Variants in CYP51A1 observed in about 807,000 individuals in gnomAD.
The protein encoded by CYP51A1 is lanosterol 14-alpha demethylase.
In CYP51A1, 45 loss-of-function variants were observed where a neutral mutation model predicts 53.5. The ratio of observed to expected loss-of-function variants is 0.84; its 90% CI spans 0.66 to 1.08. The LOEUF (loss-of-function observed/expected upper bound fraction) is 1.08. CYP51A1 is among the 50% of genes least tolerant of loss of function. CYP51A1 has a pLI of 0.00. For synonymous variants in CYP51A1, 181 were observed against 217.7 expected (o/e 0.83, Z 1.48); for missense variants, 462 against 621.7 (o/e 0.74, Z 2.73).
chr7:92,116,524 T>G (rs1244628192), intron 9 of CYP51A1, among the ~76,000 whole-genome samples: 5 of 152,206 alleles, frequency 3.3e-5, no homozygotes, highest in Non-Finnish European at 7.3e-5. Context: ...AGCTAAATTA[T>G]TTTAGGATCT....
upstream of CYP51A1, chr7:92,134,720 G>A (rs1393479653): frequency 2.9e-5 from 7 of 240,082 alleles, no homozygotes; most frequent in Admixed American, 1.6e-4. Context: ...TTGTGTGCCC[G>A]GGTGCGGGGT....
At chr7:92,125,521 G>A (rs1819781366) in intron 5 of CYP51A1, among the ~76,000 whole-genome samples, 1 of 152,180 alleles carries the variant, frequency 6.6e-6, no homozygotes, top group African/African-American at 2.4e-5. Context: ...TTATATCAGA[G>A]GCAGTCCCTG....
rs546916256 is a variant in CYP51A1, at chr7:92,131,935, G to A, written c.193-63C>T. On this transcript the variant is annotated intron_variant, in intron 1 of 9. Coordinates refer to ENST00000003100, the MANE Select transcript of CYP51A1 (RefSeq NM_000786.4). ...CATTTCAAGAGAGAAACCCAGTTTCGTTTCATGACCAAACAATTAAACAAA... is the reference window on the plus strand; with the variant it reads ...CATTTCAAGAGAGAAACCCAGTTTCATTTCATGACCAAACAATTAAACAAA... The A allele has an allele frequency of 6.6e-5, 66 of 1,000,306 alleles. 1 individual carries two copies. Among genetic ancestry groups the A allele is most frequent in the East Asian group, 1.2e-4 (5 of 41,228 alleles). 62.0% of individuals were successfully genotyped at this position (1,000,306 alleles called of 1,614,324 possible). A position where few individuals can be genotyped will look rare whatever the true frequency, so the allele number is the denominator to read the frequency against.
At position 92,128,873 on chromosome 7, in the gene CYP51A1, C is replaced by A. The variant is rs1030219272; in HGVS notation, c.468+7G>T. The A allele has an allele frequency of 6.2e-7, 1 of 1,607,656 alleles. No homozygotes were observed. Among genetic ancestry groups the A allele is most frequent in the African/African-American group, 1.3e-5 (1 of 74,768 alleles). ...TTGTCTTTATTTATGGTAACAGTGT[C>A]ACCTACTGGATTAGGCACATCGTAT... On this transcript the variant is annotated splice_region_variant and intron_variant, in intron 3 of 9. Transcript: ENST00000003100.
chr7:92,127,444 T>C lies in CYP51A1; in HGVS notation c.595+61A>G, dbSNP rs1235743769. ...TTTTATATACTACACACATATATAC[T>C]CTACTTTTCTATTCACAGAGAAGTA... On this transcript the variant is annotated intron_variant, in intron 4 of 9. Coordinates refer to ENST00000003100, the MANE Select transcript of CYP51A1 (RefSeq NM_000786.4). 3 of 1,506,298 alleles carry C rather than the reference T, an allele frequency of 2.0e-6. No individual in the cohort carries two copies. The East Asian group carries it at 6.8e-5, about 34-fold the overall frequency. The allele number at this position is 1,506,298 out of a possible 1,614,324, so 93.3% of individuals were successfully genotyped here. A position where few individuals can be genotyped will look rare whatever the true frequency, so the allele number is the denominator to read the frequency against.
intron 2 of CYP51A1, 109 bp downstream of exon 2, chr7:92,131,665 T>C (rs942521481): frequency 3.3e-6 from 2 of 608,344 alleles, no homozygotes; most frequent in Non-Finnish European, 5.8e-6. Context: ...ACTGAGGATA[T>C]GTATATGATT....
Position 92,123,802 on chromosome 7 carries a change from G to A in CYP51A1, c.822C>T (p.Ile274=), listed in dbSNP as rs1330072926. The A allele has an allele frequency of 1.2e-6, 2 of 1,608,860 alleles. No individual in the cohort carries two copies. The highest frequency in any genetic ancestry group is 1.3e-5 in the African/African-American group (1 of 74,708). Residue 274 remains isoleucine, a synonymous_variant, in exon 6 of 10, where the codon ATC becomes ATT. Transcript: ENST00000003100. ...REIKDIFYKA[I]QKRRQSQEKI... ...TTTCTTGAGACTGTCTGCGTTTCTGGATTGCCTTATAGAAAATATCCTTGA... is the reference window on the plus strand; with the variant it reads ...TTTCTTGAGACTGTCTGCGTTTCTGAATTGCCTTATAGAAAATATCCTTGA...
At chr7:92,122,359 G>A (rs909944524) in intron 7 of CYP51A1, among the ~76,000 whole-genome samples, 1 of 151,608 alleles carries the variant, frequency 6.6e-6, no homozygotes, top group Admixed American at 6.6e-5. Context: ...TATGAGATGA[G>A]TATGATCCTG....
chr7:92,118,487 G>A lies in CYP51A1; in HGVS notation c.1182+33C>T, dbSNP rs527544993. On this transcript the variant is annotated intron_variant, in intron 8 of 9. Transcript: ENST00000003100. ...TTCTTCTTTTTGATAAAAACTGGGG[G>A]TATAGAGGGGAAGATGTAGCCAAGA... The A allele has an allele frequency of 6.3e-6, 7 of 1,118,178 alleles. No individual in the cohort carries two copies. The East Asian group carries it at 1.2e-4, about 19-fold the overall frequency. The allele number at this position is 1,118,178 out of a possible 1,614,324, so 69.3% of individuals were successfully genotyped here.
Position 92,113,641 on chromosome 7 carries a change from T to C in CYP51A1, c.*24A>G. 1.2e-6 allele frequency: 2 copies of C among 1,606,794 alleles called. No individual in the cohort carries two copies. The highest frequency in any genetic ancestry group is 1.7e-6 in the Non-Finnish European group (2 of 1,175,890). On this transcript the variant is annotated 3_prime_UTR_variant, in exon 10 of 10. Transcript: ENST00000003100. The stretch of plus-strand genomic sequence containing the variant: ...TTTGTGGCTTACAGTGATAATCACA[T>C]ATATTCGTTCCTTGCAACCTTTTTC...
At chr7:92,122,968 T>C in intron 7 of CYP51A1, 152 bp downstream of exon 7, 1 of 605,828 alleles carries the variant, frequency 1.7e-6, no homozygotes, top group Non-Finnish European at 2.9e-6. Flanking sequence ...CATTAAGATA[T>C]TTTAGGTAAG....
chr7:92,128,741 G>T, intron 3 of CYP51A1, 139 bp downstream of exon 3: 1 of 672,150 alleles, frequency 1.5e-6, no homozygotes, highest in Non-Finnish European at 2.4e-6. Context: ...CACCCACCTT[G>T]GCCTCCCAAA....
In CYP51A1 at chr7:92,113,661, T is replaced by G. The variant is rs1819514410; in HGVS notation, c.*4A>C. 6.2e-7 allele frequency: 1 copy of G among 1,608,732 alleles called. No homozygotes were observed. Among genetic ancestry groups the G allele is most frequent in the Non-Finnish European group, 8.5e-7 (1 of 1,177,898 alleles). ...TCACATATATTCGTTCCTTGCAACC[T>G]TTTTCATTTTGATCTTCGTTTGTAA... On this transcript the variant is annotated 3_prime_UTR_variant, in exon 10 of 10. Coordinates refer to ENST00000003100, the MANE Select transcript of CYP51A1 (RefSeq NM_000786.4).
At chr7:92,127,359 G>T in intron 4 of CYP51A1, 146 bp downstream of exon 4, 1 of 722,404 alleles carries the variant, frequency 1.4e-6, no homozygotes, top group Non-Finnish European at 2.2e-6. Context: ...CAACTTCATG[G>T]TAATCATTAC....
At chr7:92,113,961 G>A (rs1007211174) in intron 9 of CYP51A1, 118 bp from the exon 10 acceptor site, 1 of 612,706 alleles carries the variant, frequency 1.6e-6, no homozygotes, top group African/African-American at 1.9e-5. Context: ...ATAATAAAAA[G>A]ATGACATTCT....
intron 2 of CYP51A1, among the ~76,000 whole-genome samples, chr7:92,129,562 A>C (rs1252000547): frequency 6.6e-6 from 1 of 152,170 alleles, no homozygotes; most frequent in East Asian, 1.9e-4. Flanking sequence ...TCTCACCTAC[A>C]CTAAATGACT....
chr7:92,114,577 C>A (rs553347041), intron 9 of CYP51A1, among the ~76,000 whole-genome samples: 1 of 152,186 alleles, frequency 6.6e-6, no homozygotes, highest in East Asian at 1.9e-4. Context: ...AACATAAGGT[C>A]CAGGAATAAC....
In CYP51A1 at chr7:92,117,009, A is replaced by C. The variant is rs201351599; in HGVS notation, c.1351+35T>G. 1.3e-4 allele frequency: 206 copies of C among 1,568,742 alleles called. 1 individual carries two copies. The African/African-American group carries it at 1.8e-3, about 14-fold the overall frequency. On this transcript the variant is annotated intron_variant, in intron 9 of 9. Transcript: ENST00000003100. Reference sequence around the variant, plus strand: ...TGACAGAGACAAATATGTTATCAGAACAAACATTTCCAATCTAAAATATAA... The same window carrying C: ...TGACAGAGACAAATATGTTATCAGACCAAACATTTCCAATCTAAAATATAA...
intron 7 of CYP51A1, among the ~76,000 whole-genome samples, chr7:92,121,029 C>A (rs1819681266): frequency 6.6e-6 from 1 of 152,158 alleles, no homozygotes; most frequent in African/African-American, 2.4e-5. Context: ...GTGGCTCACA[C>A]CTGTAATCCC....
Sources: allele counts gnomAD v4.1 joint callset (sites outside exome capture counted in the v4.1 genomes callset), GRCh38; gene constraint gnomAD v4.1.1; transcripts MANE v1.5; gene names NCBI Gene and HGNC (gene_info 2026-07-23, HGNC 2026-07-21).